The following TLR7 variants were observed in gnomAD, a reference collection of about 807,000 sequenced individuals.
The protein encoded by TLR7 is toll like receptor 7.
A neutral mutation model predicts 38.3 loss-of-function variants in TLR7; 12 were observed. That is an observed-to-expected ratio of 0.31 (90% confidence interval 0.20 to 0.51). The LOEUF (loss-of-function observed/expected upper bound fraction) is 0.51, where lower values mean the gene tolerates loss of function less well. Among genes scored for constraint, TLR7 ranks in the 20% least tolerant of loss-of-function variants. The probability of loss-of-function intolerance (pLI) is 0.98; values close to 1 mark genes in which losing one functional copy is unlikely to be tolerated. For synonymous variants in TLR7, 285 were observed against 293.8 expected (o/e 0.97, Z 0.31); for missense variants, 504 against 743.4 (o/e 0.68, Z 3.74).
chrX:12,869,675 A>C (rs1181097057), intron 2 of TLR7, among the ~76,000 whole-genome samples: 4 of 109,750 alleles, frequency 3.6e-5, no homozygotes, highest in African/African-American at 6.7e-5. Context: ...CTGTGCAGCA[A>C]ACCACCATGG....
intron 2 of TLR7, among the ~76,000 whole-genome samples, chrX:12,880,138 C>T (rs1178211345): frequency 9.0e-6 from 1 of 111,259 alleles, no homozygotes; most frequent in Non-Finnish European, 1.9e-5. Flanking sequence ...CTTTGTGTCT[C>T]CTGCTCCTAG....
intron 2 of TLR7, among the ~76,000 whole-genome samples, chrX:12,877,825 TG>T (rs2042878247): frequency 9.0e-6 from 1 of 111,507 alleles, no homozygotes; most frequent in African/African-American, 3.3e-5. Flanking sequence ...CAAACCCTCC[TG>T]GTCTCTCCTT....
chrX:12,875,968 T>C (rs1390573379), intron 2 of TLR7, among the ~76,000 whole-genome samples: 1 of 108,714 alleles, frequency 9.2e-6, no homozygotes, highest in Non-Finnish European at 1.9e-5. Context: ...TTTTTTTTTT[T>C]TTTGTCTTGA....
At position 12,871,602 on chromosome X, in the gene TLR7, G is replaced by A. The variant is rs187100160; in HGVS notation, c.3+4021G>A. 3.5e-4 allele frequency among the ~76,000 whole-genome samples: 39 copies of A among 112,000 alleles called. No homozygotes were observed. The East Asian group carries it at 0.01, about 30-fold the overall frequency. On this transcript the variant is annotated intron_variant, in intron 2 of 2. Transcript: ENST00000380659. ...CCCTCGCTCACACGTCTTGGCTCAA[G>A]CAACTCTTTGTCTTAGAAATGCAGA...
intron 2 of TLR7, among the ~76,000 whole-genome samples, chrX:12,885,077 A>G (rs2042905292): frequency 8.9e-6 from 1 of 112,674 alleles, no homozygotes; most frequent in African/African-American, 3.2e-5. Context: ...TGAAAGACTC[A>G]TGTAATGTGT....
At chrX:12,874,936 G>A (rs927329231) in intron 2 of TLR7, among the ~76,000 whole-genome samples, 14 of 107,942 alleles carry the variant, frequency 1.3e-4, no homozygotes, top group Non-Finnish European at 1.9e-4. Flanking sequence ...TTTGGAAAGC[G>A]TAAAGTTAAA....
At chrX:12,868,191 A>G (rs2042840376) in intron 2 of TLR7, among the ~76,000 whole-genome samples, 1 of 112,059 alleles carries the variant, frequency 8.9e-6, no homozygotes, top group South Asian at 3.7e-4. Context: ...ATGGAAAATT[A>G]CTAAGAGGAA....
In TLR7 at chrX:12,887,553, T is replaced by C; in HGVS notation, c.2045T>C (p.Leu682Ser). ...GMPPNLKNLS[L>S]AKNGLKSFSW... Reference sequence around the variant, plus strand: ...CCTCCAAATCTAAAGAATCTCTCTTTGGCCAAAAATGGGCTCAAATCTTTC... The same window carrying C: ...CCTCCAAATCTAAAGAATCTCTCTTCGGCCAAAAATGGGCTCAAATCTTTC... The change falls in exon 3 of 3, where the codon TTG becomes TCG. Residue 682 changes from leucine to serine, a missense_variant. Coordinates refer to ENST00000380659, the MANE Select transcript of TLR7 (RefSeq NM_016562.4). The C allele has an allele frequency of 8.3e-7, 1 of 1,211,255 alleles. No individual in the cohort carries two copies. The highest frequency in any genetic ancestry group is 2.2e-5 in the Admixed American group (1 of 45,953).
Position 12,870,211 on chromosome X carries a change from G to C in TLR7, c.3+2630G>C, listed in dbSNP as rs145778330. Among the ~76,000 whole-genome samples the C allele has an allele frequency of 3.9e-3, 431 of 111,511 alleles. 4 individuals carry two copies. Among genetic ancestry groups the C allele is most frequent in the African/African-American group, 0.014 (421 of 30,700 alleles). On this transcript the variant is annotated intron_variant, in intron 2 of 2. Coordinates refer to ENST00000380659, the MANE Select transcript of TLR7 (RefSeq NM_016562.4). ...GGTCAAGTGATTTATGAAAGTCAGA[G>C]AGCTCTTACATGACAGAACAAGGAC...
At chrX:12,867,693 G>A in intron 2 of TLR7, 112 bp downstream of exon 2, 5 of 744,759 alleles carry the variant, frequency 6.7e-6, no homozygotes, top group Admixed American at 5.5e-5. Context: ...TTATTTGCTG[G>A]GGGAAAGTGC....
chrX:12,882,122 T>C (rs1407612608), intron 2 of TLR7, among the ~76,000 whole-genome samples: 1 of 111,349 alleles, frequency 9.0e-6, no homozygotes, highest in Non-Finnish European at 1.9e-5. Context: ...ACAGACCAGA[T>C]GGCTGATATG....
intron 1 of TLR7, 81 bp from the exon 2 acceptor site, chrX:12,867,400 G>A (rs2042837750): frequency 2.5e-6 from 1 of 396,792 alleles, no homozygotes; most frequent in South Asian, 6.6e-5. Flanking sequence ...GCATTTTAAA[G>A]CAATGATCCT....
rs1452577223 is a variant in TLR7 at position 12,884,533 on chromosome X, T to C, written c.4-979T>C. 2.7e-5 allele frequency among the ~76,000 whole-genome samples: 3 copies of C among 112,161 alleles called. No homozygotes were observed. The Admixed American group carries it at 2.8e-4, about 11-fold the overall frequency. ...GTAATAAGGTGATTTTTAAAGCTCT[T>C]CTGCACTTCCCATATTCCCTTTTAG... On this transcript the variant is annotated intron_variant, in intron 2 of 2. Coordinates refer to ENST00000380659, the MANE Select transcript of TLR7 (RefSeq NM_016562.4).
intron 2 of TLR7, among the ~76,000 whole-genome samples, chrX:12,869,830 CAA>C (rs34022797): frequency 0.14 from 7,441 of 51,332 alleles, 309 homozygotes; most frequent in African/African-American, 0.24. Flanking sequence ...TGCAGCCAGG[CAA>C]AAAAAAAAAA....
chrX:12,882,131 T>C (rs1341940230), intron 2 of TLR7, among the ~76,000 whole-genome samples: 2 of 111,473 alleles, frequency 1.8e-5, no homozygotes, highest in Non-Finnish European at 3.8e-5. Flanking sequence ...ATGGCTGATA[T>C]GTGGTAAAGG....
At chrX:12,868,509 G>T (rs1447374453) in intron 2 of TLR7, among the ~76,000 whole-genome samples, 3 of 111,467 alleles carry the variant, frequency 2.7e-5, no homozygotes, top group Non-Finnish European at 5.7e-5. Context: ...AGTTGGGGGG[G>T]CCTTGTGCCT....
At chrX:12,879,953 A>G (rs5743761) in intron 2 of TLR7, among the ~76,000 whole-genome samples, 4,421 of 112,213 alleles carry the variant, frequency 0.039, 216 homozygotes, top group African/African-American at 0.14. Context: ...TCAAAATTAA[A>G]GATAAAAAAT....
intron 2 of TLR7, among the ~76,000 whole-genome samples, chrX:12,875,136 A>G (rs1261868972): frequency 9.0e-6 from 1 of 111,403 alleles, no homozygotes; most frequent in African/African-American, 3.3e-5. Flanking sequence ...TGTTTATTCA[A>G]ACTTTTGTTT....
At chrX:12,871,710 T>A (rs1232127107) in intron 2 of TLR7, among the ~76,000 whole-genome samples, 2 of 111,562 alleles carry the variant, frequency 1.8e-5, no homozygotes, top group Non-Finnish European at 3.8e-5. Flanking sequence ...AACAGCTGAG[T>A]GCATGGGGCT....
Sources: allele counts gnomAD v4.1 joint callset (sites outside exome capture counted in the v4.1 genomes callset), GRCh38; gene constraint gnomAD v4.1.1; transcripts MANE v1.5; gene names NCBI Gene and HGNC (gene_info 2026-07-23, HGNC 2026-07-21).